The following DMD variants were observed in gnomAD, a reference collection of about 807,000 sequenced individuals.
DMD encodes the protein mutant dystrophin.
DMD carries 63 observed loss-of-function variants against 330.1 expected under a neutral mutation model. The ratio of observed to expected loss-of-function variants is 0.19; its 90% CI spans 0.16 to 0.24. DMD has a LOEUF of 0.24. DMD is among the 10% of genes least tolerant of loss of function. The pLI is 1.00. For synonymous variants in DMD, 1,223 were observed against 959.8 expected, an observed-to-expected ratio of 1.27 and a Z score of -5.07; for missense variants, 3,344 against 2,684.1, an observed-to-expected ratio of 1.25 and a Z score of -5.43.
chrX:31,244,049 A>G (rs746104662), intron 63 of DMD, among the ~76,000 whole-genome samples: 1 of 112,570 alleles, frequency 8.9e-6, no homozygotes, highest in South Asian at 3.6e-4. Context: ...TGAGAAGATA[A>G]AACAGTCTGC....
At chrX:32,250,792 C>G (rs1420693124) in intron 43 of DMD, among the ~76,000 whole-genome samples, 2 of 111,950 alleles carry the variant, frequency 1.8e-5, no homozygotes, top group Non-Finnish European at 3.8e-5. Context: ...TTCTTCATAC[C>G]TCGATGGTTT....
At chrX:31,926,333 G>A (rs2094775352) in intron 47 of DMD, among the ~76,000 whole-genome samples, 1 of 111,669 alleles carries the variant, frequency 9.0e-6, no homozygotes. Flanking sequence ...CTCCCTTAAA[G>A]AAATAGCTAT....
At chrX:32,995,272 C>G (rs748536407) in intron 2 of DMD, among the ~76,000 whole-genome samples, 1 of 112,331 alleles carries the variant, frequency 8.9e-6, no homozygotes, top group South Asian at 3.6e-4. Flanking sequence ...TTCTTTTTAA[C>G]TTAAATGCCG....
intron 27 of DMD, among the ~76,000 whole-genome samples, chrX:32,442,711 G>C (rs1239721401): frequency 5.4e-5 from 6 of 110,455 alleles, no homozygotes; most frequent in Non-Finnish European, 3.8e-5. Context: ...GATCATTTCA[G>C]CCCTTTTTGT....
intron 41 of DMD, among the ~76,000 whole-genome samples, chrX:32,338,709 T>TG (rs1400657428): frequency 9.0e-6 from 1 of 111,098 alleles, no homozygotes; most frequent in Non-Finnish European, 1.9e-5. Context: ...ACATGACCCT[T>TG]GGGGGTTGTA....
At chrX:33,125,531 C>A (rs73453839) in intron 1 of DMD, among the ~76,000 whole-genome samples, 1 of 110,744 alleles carries the variant, frequency 9.0e-6, no homozygotes, top group African/African-American at 3.3e-5. Flanking sequence ...CTAAACGTTG[C>A]GCCCCATTAG....
chrX:32,250,820 G>A (rs115116409), intron 43 of DMD, among the ~76,000 whole-genome samples: 1 of 111,702 alleles, frequency 9.0e-6, no homozygotes, highest in Non-Finnish European at 1.9e-5. Context: ...CCTTTTCAGG[G>A]TTATTCCTTA....
chrX:32,621,482 CTTCT>C (rs1271699347), intron 11 of DMD, among the ~76,000 whole-genome samples: 2 of 100,338 alleles, frequency 2.0e-5, no homozygotes, highest in African/African-American at 9.0e-5. Flanking sequence ...AGTGTTTTAT[CTTCT>C]TTTTTTTTTT....
At chrX:32,024,061 C>T (rs748155612) in intron 44 of DMD, among the ~76,000 whole-genome samples, 27 of 111,179 alleles carry the variant, frequency 2.4e-4, no homozygotes, top group Non-Finnish European at 4.3e-4. Context: ...GGAACATGTA[C>T]CCGCTGAATC....
intron 7 of DMD, among the ~76,000 whole-genome samples, chrX:32,736,101 C>G (rs749752066): frequency 6.3e-5 from 7 of 111,820 alleles, no homozygotes; most frequent in Non-Finnish European, 1.1e-4. Flanking sequence ...AAAAAGTGGG[C>G]GAAGGACATG....
intron 59 of DMD, among the ~76,000 whole-genome samples, chrX:31,445,778 C>A (rs1417900081): frequency 9.0e-6 from 1 of 111,416 alleles, no homozygotes; most frequent in Non-Finnish European, 1.9e-5. Context: ...GCAGAAGAAC[C>A]CTATGCAGAT....
chrX:32,932,895 A>G (rs2089709619), intron 2 of DMD, among the ~76,000 whole-genome samples: 1 of 111,965 alleles, frequency 8.9e-6, no homozygotes, highest in African/African-American at 3.2e-5. Flanking sequence ...CTATTTTTCC[A>G]TCAAAAGAAT....
intron 48 of DMD, among the ~76,000 whole-genome samples, chrX:31,857,439 C>T (rs1180016013): frequency 1.0e-5 from 1 of 100,191 alleles, no homozygotes; most frequent in Non-Finnish European, 2.0e-5. Flanking sequence ...TAATGACCAG[C>T]ATGTTACATA....
intron 43 of DMD, among the ~76,000 whole-genome samples, chrX:32,243,070 A>G (rs190920992): frequency 9.2e-6 from 1 of 108,929 alleles, no homozygotes; most frequent in Admixed American, 1.0e-4. Flanking sequence ...AAGCAGGCAG[A>G]CAGGCAGACA....
At chrX:31,801,381 C>A (rs927396863) in intron 50 of DMD, among the ~76,000 whole-genome samples, 1 of 111,483 alleles carries the variant, frequency 9.0e-6, no homozygotes, top group South Asian at 3.8e-4. Flanking sequence ...GTCCCTCCCA[C>A]AACACATGGG....
intron 62 of DMD, among the ~76,000 whole-genome samples, chrX:31,318,430 A>C (rs991925808): frequency 2.7e-5 from 3 of 112,556 alleles, no homozygotes; most frequent in Non-Finnish European, 5.6e-5. Flanking sequence ...TGTCAGCACA[A>C]ACAGCAACAG....
intron 1 of DMD, among the ~76,000 whole-genome samples, chrX:33,281,723 C>T (rs988441737): frequency 2.7e-5 from 3 of 109,374 alleles, no homozygotes; most frequent in South Asian, 4.0e-4. Flanking sequence ...ATTTACCATA[C>T]GTAGTTCAAT....
intron 2 of DMD, among the ~76,000 whole-genome samples, chrX:32,984,435 A>AT (rs2092790928): frequency 1.8e-5 from 2 of 111,271 alleles, no homozygotes; most frequent in African/African-American, 3.3e-5. Flanking sequence ...TTGTATTTTT[A>AT]GTAGAGACAG....
chrX:32,955,707 TC>T (rs1329827121), intron 2 of DMD, among the ~76,000 whole-genome samples: 1 of 112,022 alleles, frequency 8.9e-6, no homozygotes, highest in African/African-American at 3.2e-5. Context: ...CTTGAGTTAA[TC>T]TTTGTACATG....
Sources: allele counts gnomAD v4.1 joint callset (sites outside exome capture counted in the v4.1 genomes callset), GRCh38; gene constraint gnomAD v4.1.1; transcripts MANE v1.5; gene names NCBI Gene and HGNC (gene_info 2026-07-23, HGNC 2026-07-21).